Variants in ACYP2 observed in about 807,000 individuals in gnomAD.
The protein encoded by ACYP2 is acylphosphatase-2.
In ACYP2, 12 loss-of-function variants were observed where a neutral mutation model predicts 11.2. That is an observed-to-expected ratio of 1.08 (90% confidence interval 0.69 to 1.74). ACYP2 has a LOEUF of 1.74. Among genes scored for constraint, ACYP2 ranks in the 40% most tolerant of loss-of-function variants. The pLI, the probability that ACYP2 is intolerant of heterozygous loss-of-function variation, is 0.00. For synonymous variants in ACYP2, 43 were observed against 32.2 expected, an observed-to-expected ratio of 1.33 and a Z score of -1.13; for missense variants, 134 against 101.9, an observed-to-expected ratio of 1.31 and a Z score of -1.35.
intron 6 of ACYP2, among the ~76,000 whole-genome samples, chr2:54,235,357 GTT>G (rs1686428362): frequency 6.6e-6 from 1 of 151,338 alleles, no homozygotes; most frequent in South Asian, 2.1e-4. Context: ...GTTCTGTTTT[GTT>G]TTGTTTTGAG....
chr2:53,990,185 G>C lies in ACYP2; in HGVS notation c.62+16375G>C, dbSNP rs189337416. ...GTAGAGGCAAGGTTTCACCATGTTG[G>C]TCAGGCTGGTTTTGAACTCCTGACC... On this transcript the variant is annotated intron_variant, in intron 2 of 6. Coordinates refer to ENST00000607452, the MANE Select transcript of ACYP2 (RefSeq NM_001320586.2). Among the ~76,000 whole-genome samples, 5 of 151,826 alleles carry C rather than the reference G, an allele frequency of 3.3e-5. No homozygotes were observed. In the East Asian group the frequency reaches 9.7e-4, roughly 30 times the overall value.
At chr2:54,254,894 G>A (rs1687418380) in intron 6 of ACYP2, 1 of 1,594,096 alleles carries the variant, frequency 6.3e-7, no homozygotes, top group East Asian at 2.2e-5. Context: ...GCAACCTTCT[G>A]CAGGAGTAAT....
intron 2 of ACYP2, among the ~76,000 whole-genome samples, chr2:54,014,227 T>C (rs1573521115): frequency 6.6e-6 from 1 of 152,198 alleles, no homozygotes; most frequent in Non-Finnish European, 1.5e-5. Flanking sequence ...ATGCAAACCT[T>C]TCAGTTTCTG....
chr2:54,257,952 T>G (rs1466839924), intron 6 of ACYP2, among the ~76,000 whole-genome samples: 1 of 152,184 alleles, frequency 6.6e-6, no homozygotes, highest in Non-Finnish European at 1.5e-5. Context: ...CTACCAAACC[T>G]TCAAGGAACA....
intron 6 of ACYP2, among the ~76,000 whole-genome samples, chr2:54,275,034 T>C (rs1688486756): frequency 6.6e-6 from 1 of 152,138 alleles, no homozygotes; most frequent in Non-Finnish European, 1.5e-5. Flanking sequence ...GGCTTCTGAA[T>C]ATTATTTTTA....
rs1015162111 is a variant in ACYP2 at position 54,100,048 on chromosome 2, C to A, written c.278-35405C>A. On this transcript the variant is annotated intron_variant, in intron 4 of 6. Coordinates refer to ENST00000607452, the MANE Select transcript of ACYP2 (RefSeq NM_001320586.2). ...ATTTCCCTGTTCTTCTCTTTTACTTCTGTTAAATGCAAATTTAAGTCTTCC... is the reference window on the plus strand; with the variant it reads ...ATTTCCCTGTTCTTCTCTTTTACTTATGTTAAATGCAAATTTAAGTCTTCC... 2.6e-5 allele frequency among the ~76,000 whole-genome samples: 4 copies of A among 152,154 alleles called. No homozygotes were observed. The East Asian group carries it at 5.8e-4, about 22-fold the overall frequency.
chr2:54,072,487 T>TCTCTCTCTCTC (rs1558508814), intron 4 of ACYP2, among the ~76,000 whole-genome samples: 1 of 113,734 alleles, frequency 8.8e-6, no homozygotes, highest in African/African-American at 3.1e-5. Context: ...TTTCTTTCTT[T>TCTCTCTCTCTC]TTTCTTTCTT....
intron 4 of ACYP2, among the ~76,000 whole-genome samples, chr2:54,067,984 A>C (rs1676828942): frequency 6.6e-6 from 1 of 152,182 alleles, no homozygotes; most frequent in Non-Finnish European, 1.5e-5. Flanking sequence ...AGGGAAGGAG[A>C]ATGAACACAC....
chr2:54,230,829 C>CTTTTTTTTT (rs34359444), intron 6 of ACYP2, among the ~76,000 whole-genome samples: 5 of 129,392 alleles, frequency 3.9e-5, no homozygotes, highest in Admixed American at 7.9e-5. Context: ...TCTTTCTTTT[C>CTTTTTTTTT]TTTTTTTTTT....
intron 6 of ACYP2, among the ~76,000 whole-genome samples, chr2:54,172,839 TC>T (rs1488466052): frequency 3.3e-5 from 5 of 152,170 alleles, no homozygotes; most frequent in African/African-American, 1.2e-4. Context: ...GAATAATGTT[TC>T]CCAGCTTCAT....
chr2:54,241,499 A>G (rs924449899), intron 6 of ACYP2, among the ~76,000 whole-genome samples: 3 of 152,230 alleles, frequency 2.0e-5, no homozygotes, highest in Non-Finnish European at 4.4e-5. Context: ...AAGACCTCTG[A>G]TATTGTTGTG....
intron 6 of ACYP2, among the ~76,000 whole-genome samples, chr2:54,257,215 A>G (rs1687596600): frequency 6.6e-6 from 1 of 152,148 alleles, no homozygotes; most frequent in Non-Finnish European, 1.5e-5. Flanking sequence ...CTCTATTTTT[A>G]AAAAGAAGAA....
At chr2:54,235,988 C>G (rs1558633310) in intron 6 of ACYP2, among the ~76,000 whole-genome samples, 2 of 152,074 alleles carry the variant, frequency 1.3e-5, no homozygotes, top group Non-Finnish European at 2.9e-5. Context: ...TTGAAAGAAC[C>G]AACTTTTACC....
At chr2:53,998,105 A>C (rs1031653386) in intron 2 of ACYP2, among the ~76,000 whole-genome samples, 2 of 152,284 alleles carry the variant, frequency 1.3e-5, no homozygotes, top group East Asian at 3.9e-4. Context: ...TCATAAAAGG[A>C]TTTAAAACAA....
chr2:54,158,576 C>T (rs1049955707), intron 6 of ACYP2, among the ~76,000 whole-genome samples: 3 of 152,144 alleles, frequency 2.0e-5, no homozygotes, highest in Non-Finnish European at 2.9e-5. Flanking sequence ...ATTTCCCTCC[C>T]GCTCCATGCC....
At chr2:54,078,051 C>T (rs148984452) in intron 4 of ACYP2, among the ~76,000 whole-genome samples, 50 of 151,678 alleles carry the variant, frequency 3.3e-4, no homozygotes, top group African/African-American at 1.0e-3. Flanking sequence ...CTCACTGCAA[C>T]CTCGGCCTCC....
At chr2:54,255,460 C>A in intron 6 of ACYP2, 1 of 1,613,948 alleles carries the variant, frequency 6.2e-7, no homozygotes, top group Non-Finnish European at 8.5e-7. Context: ...ATGAATCTGC[C>A]CAAACCTGCG....
At position 54,178,376 on chromosome 2, in the gene ACYP2, A is replaced by G. The variant is rs550001711; in HGVS notation, c.404+39628A>G. On this transcript the variant is annotated intron_variant, in intron 6 of 6. Coordinates refer to ENST00000607452, the MANE Select transcript of ACYP2 (RefSeq NM_001320586.2). ...GTTGTTTATCCAGTAGTGCTAAGAGATTTGTTCTGATCCACCTGATTTCTT... is the reference window on the plus strand; with the variant it reads ...GTTGTTTATCCAGTAGTGCTAAGAGGTTTGTTCTGATCCACCTGATTTCTT... Among the ~76,000 whole-genome samples, 4 of 152,190 alleles carry G rather than the reference A, an allele frequency of 2.6e-5. No homozygotes were observed. In the South Asian group the frequency reaches 8.3e-4, roughly 32 times the overall value.
At chr2:54,271,759 G>A (rs1160736454) in intron 6 of ACYP2, among the ~76,000 whole-genome samples, 1 of 151,890 alleles carries the variant, frequency 6.6e-6, no homozygotes, top group Non-Finnish European at 1.5e-5. Context: ...TATGTTAAAT[G>A]GGATTTCTTC....
Sources: allele counts gnomAD v4.1 joint callset (sites outside exome capture counted in the v4.1 genomes callset), GRCh38; gene constraint gnomAD v4.1.1; transcripts MANE v1.5; gene names NCBI Gene and HGNC (gene_info 2026-07-23, HGNC 2026-07-21).